PITPNM3: variants seen among roughly 807,000 people sequenced by gnomAD.
The protein encoded by PITPNM3 is membrane-associated phosphatidylinositol transfer protein 3.
PITPNM3 carries 26 observed loss-of-function variants against 102.0 expected under a neutral mutation model. The ratio of observed to expected loss-of-function variants is 0.25; its 90% CI spans 0.19 to 0.35. The LOEUF is 0.35. Ranked by LOEUF, PITPNM3 falls within the 10% of genes least tolerant of loss-of-function variation. The pLI is 1.00. For missense variants in PITPNM3, 1,083 were observed against 1,346.1 expected (o/e 0.80, Z 3.06); for synonymous variants, 578 against 558.6 (o/e 1.03, Z -0.49).
chr17:6,469,485 G>A lies in PITPNM3; in HGVS notation c.1773+775C>T, dbSNP rs1904951915. Among the ~76,000 whole-genome samples, 1 of 151,778 alleles carries A rather than the reference G, an allele frequency of 6.6e-6. No individual in the cohort carries two copies. ...CCAGCCCTGCTCTTCCGCACGTGCA[G>A]GACACAGAACCACCTTAGTCACTCA... On this transcript the variant is annotated intron_variant, in intron 13 of 19. Transcript: ENST00000262483. The surrounding 1 kb of genome is among the most constrained non-coding windows in gnomAD (Gnocchi z 4.0).
chr17:6,546,092 G>A (rs1272587410), intron 1 of PITPNM3, among the ~76,000 whole-genome samples: 1 of 152,254 alleles, frequency 6.6e-6, no homozygotes, highest in Non-Finnish European at 1.5e-5. Flanking sequence ...CCTTGAAGGG[G>A]GGCTGTCCAG....
chr17:6,483,654 C>T lies in PITPNM3; in HGVS notation c.450G>A (p.Lys150=). ...AGCTGAAGGTGTGGATGTCGGCTGC[C>T]TTGCAGGACGGGTCCCCGGCACCCG... is the stretch of plus-strand genomic sequence containing the variant. ...LDTGAGDPSC[K]AADIHTFSSV... The change falls in exon 6 of 20, where the codon AAG becomes AAA. Residue 150 remains lysine, a synonymous_variant. Transcript: ENST00000262483. 6.2e-7 allele frequency: 1 copy of T among 1,613,876 alleles called. No homozygotes were observed. The highest frequency in any genetic ancestry group is 8.5e-7 in the Non-Finnish European group (1 of 1,179,962).
chr17:6,501,605 A>G (rs1331185116), intron 4 of PITPNM3, among the ~76,000 whole-genome samples: 1 of 151,782 alleles, frequency 6.6e-6, no homozygotes, highest in African/African-American at 2.4e-5. Flanking sequence ...CTTTCCAGAG[A>G]AAAAACCAAC....
chr17:6,545,750 G>T lies in PITPNM3; in HGVS notation c.23-7668C>A, dbSNP rs559944673. ...CTTGGCCCCTGAGGCCAGCCCGGGT[G>T]CCTGTCTCCTTGTGGGTCCTTCATG... On this transcript the variant is annotated intron_variant, in intron 1 of 19. Transcript: ENST00000262483. Among the ~76,000 whole-genome samples, 23 of 152,050 alleles carry T rather than the reference G, an allele frequency of 1.5e-4. No individual in the cohort carries two copies. The South Asian group carries it at 4.8e-3, about 32-fold the overall frequency.
chr17:6,473,205 G>C (rs1029304020), intron 10 of PITPNM3: 3 of 334,886 alleles, frequency 9.0e-6, no homozygotes, highest in African/African-American at 4.3e-5. Context: ...GCCAACCCAG[G>C]TTCCTTCAGG....
intron 4 of PITPNM3, among the ~76,000 whole-genome samples, chr17:6,499,431 T>C (rs1187945107): frequency 1.3e-5 from 2 of 152,160 alleles, no homozygotes; most frequent in African/African-American, 4.8e-5. Flanking sequence ...TGTCCTCCTC[T>C]CTGGGGACTC....
intron 1 of PITPNM3, among the ~76,000 whole-genome samples, chr17:6,552,806 G>C (rs1211574179): frequency 1.6e-5 from 2 of 122,112 alleles, no homozygotes; most frequent in Non-Finnish European, 3.2e-5. Flanking sequence ...TCGCTCTGTA[G>C]CCCAGGCTGG....
intron 6 of PITPNM3, among the ~76,000 whole-genome samples, chr17:6,482,807 T>C (rs1477608548): frequency 6.6e-6 from 1 of 152,100 alleles, no homozygotes; most frequent in East Asian, 1.9e-4. Flanking sequence ...GTGTTGACTG[T>C]TATGGTGTGA....
intron 4 of PITPNM3, among the ~76,000 whole-genome samples, chr17:6,500,331 G>A (rs1468983719): frequency 6.6e-6 from 1 of 152,214 alleles, no homozygotes; most frequent in Non-Finnish European, 1.5e-5. Context: ...ATAAATGCAA[G>A]CCATTGCGAT....
chr17:6,482,047 T>C (rs1401718874), intron 6 of PITPNM3, among the ~76,000 whole-genome samples: 3 of 93,958 alleles, frequency 3.2e-5, no homozygotes, highest in Non-Finnish European at 2.6e-5. Context: ...TCTGTCTCTC[T>C]CTCTCTCTCT....
intron 6 of PITPNM3, among the ~76,000 whole-genome samples, chr17:6,482,022 C>CTCTCTG (rs1905744710): frequency 3.6e-5 from 4 of 109,740 alleles, no homozygotes; most frequent in Non-Finnish European, 7.2e-5. Flanking sequence ...CTCTCTCTCT[C>CTCTCTG]TCTCTCTCTC....
chr17:6,555,633 G>A (rs1345686056), intron 1 of PITPNM3, among the ~76,000 whole-genome samples: 1 of 152,244 alleles, frequency 6.6e-6, no homozygotes, highest in Non-Finnish European at 1.5e-5. Context: ...GCAGCAGGGG[G>A]GCTGAGTCCG....
intron 6 of PITPNM3, chr17:6,480,890 C>T (rs1047572762): frequency 6.6e-6 from 1 of 152,380 alleles, no homozygotes; most frequent in Non-Finnish European, 1.5e-5. Flanking sequence ...GGTGGAGCTC[C>T]CAGAGGCCCC....
intron 4 of PITPNM3, among the ~76,000 whole-genome samples, chr17:6,490,643 C>A (rs1487778157): frequency 6.6e-6 from 1 of 151,936 alleles, no homozygotes; most frequent in Non-Finnish European, 1.5e-5. Flanking sequence ...TAAACAAACG[C>A]TTTGAGGACC....
chr17:6,486,626 G>A (rs964551007), intron 4 of PITPNM3, among the ~76,000 whole-genome samples: 15 of 152,148 alleles, frequency 9.9e-5, no homozygotes, highest in African/African-American at 3.1e-4. Context: ...GGGAAAACTC[G>A]TCCTGGGGCC....
At position 6,472,789 on chromosome 17, in the gene PITPNM3, A is replaced by C; in HGVS notation, c.1297T>G (p.Phe433Val). The C allele has an allele frequency of 1.2e-6, 2 of 1,614,144 alleles. No homozygotes were observed. The highest frequency in any genetic ancestry group is 8.5e-7 in the Non-Finnish European group (1 of 1,180,004). The change falls in exon 11 of 20, where the codon TTC (phenylalanine) becomes GTC (valine). Residue 433 changes from phenylalanine (F) to valine (V), a missense_variant. By Grantham distance (50) the Phe-to-Val change is conservative. This residue lies in a region of PITPNM3 where 410 missense variants were observed against 638.4 expected (regional missense o/e 0.64). Coordinates refer to ENST00000262483, the MANE Select transcript of PITPNM3 (RefSeq NM_031220.4). The surrounding 1 kb of genome is among the most constrained non-coding windows in gnomAD (Gnocchi z 4.1). ...VRPACSQVYSFFHCADPSASR... is the reference protein window; with the variant it reads ...VRPACSQVYSVFHCADPSASR... ...GCAGAGGGGTCTGCGCAATGGAAGAAGCTGTAGACCTGGCTGCAGGCAGGA... is the reference window on the plus strand; with the variant it reads ...GCAGAGGGGTCTGCGCAATGGAAGACGCTGTAGACCTGGCTGCAGGCAGGA...
intron 8 of PITPNM3, 53 bp downstream of exon 8, chr17:6,477,918 GGGCA>G: frequency 1.9e-6 from 3 of 1,603,578 alleles, no homozygotes; most frequent in Non-Finnish European, 2.5e-6. Flanking sequence ...TCTCCCCGAG[GGGCA>G]GGCCCTGCTC....
At chr17:6,527,587 G>C (rs1259753484) in intron 2 of PITPNM3, among the ~76,000 whole-genome samples, 2 of 152,282 alleles carry the variant, frequency 1.3e-5, no homozygotes, top group African/African-American at 4.8e-5. Context: ...CCCAGCTGTA[G>C]AGTGAGGTAA....
intron 4 of PITPNM3, among the ~76,000 whole-genome samples, chr17:6,493,296 A>G (rs1258178809): frequency 2.0e-5 from 3 of 152,132 alleles, no homozygotes; most frequent in African/African-American, 7.2e-5. Context: ...GATGCCCAAT[A>G]ACAGAGCAGG....
Sources: gnomAD v4.1 joint callset for allele counts (sites outside exome capture counted in the v4.1 genomes callset) on GRCh38, gnomAD v4.1.1 for gene constraint, gnomAD v4.1.1 regional missense constraint, Gnocchi (gnomAD v3.1) non-coding constraint, MANE v1.5 for transcripts, NCBI Gene and HGNC (gene_info 2026-07-23, HGNC 2026-07-21) for gene names.